The following WHAMM variants were observed in gnomAD, a reference collection of about 807,000 sequenced individuals.
The protein encoded by WHAMM is WASP homolog-associated protein with actin, membranes and microtubules.
Under a neutral mutation model 76.5 loss-of-function variants are expected in WHAMM, and 67 were observed. The ratio of observed to expected loss-of-function variants is 0.88; its 90% CI spans 0.72 to 1.07. The LOEUF (loss-of-function observed/expected upper bound fraction) is 1.07, where lower values mean the gene tolerates loss of function less well. Ranked by LOEUF, WHAMM falls within the 50% of genes least tolerant of loss-of-function variation. The pLI is 0.00. For synonymous variants in WHAMM, 419 were observed against 422.1 expected (o/e 0.99, Z 0.09); for missense variants, 1,021 against 1,051.1 (o/e 0.97, Z 0.40).
At chr15:82,817,614 C>T (rs569475061) in intron 3 of WHAMM, among the ~76,000 whole-genome samples, 1 of 152,164 alleles carries the variant, frequency 6.6e-6, no homozygotes, top group Admixed American at 6.5e-5. Flanking sequence ...TGTGGTCAAA[C>T]TATCCATATG....
chr15:82,818,045 A>C lies in WHAMM; in HGVS notation c.1060A>C (p.Lys354Gln), dbSNP rs1276575656. The C allele has an allele frequency of 6.4e-6, 10 of 1,552,312 alleles. No homozygotes were observed. Among genetic ancestry groups the C allele is most frequent in the Non-Finnish European group, 8.7e-6 (10 of 1,148,024 alleles). The part of the protein sequence containing the change: ...ARETLQLMRA[K>Q]ELCLNHKRAE... ...AGAGACTCTGCAACTCATGAGAGCGAAAGAGTTGTGTTTAAATCACAAAAG... is the reference window on the plus strand; with the variant it reads ...AGAGACTCTGCAACTCATGAGAGCGCAAGAGTTGTGTTTAAATCACAAAAG... The change falls in exon 4 of 10, where the codon AAA becomes CAA. Residue 354 changes from lysine (K) to glutamine (Q), a missense_variant. By Grantham distance (53) the Lys-to-Gln change is moderately conservative. Around this residue, in one of 3 missense-constraint regions of WHAMM, gnomAD observed 501 missense variants for 524.9 expected, o/e 0.95. Transcript: ENST00000286760.
rs530314778 is a variant in WHAMM, at chr15:82,811,012, C to T, written c.609+677C>T. 2.0e-5 allele frequency among the ~76,000 whole-genome samples: 3 copies of T among 152,284 alleles called. 1 individual carries two copies. Among genetic ancestry groups the T allele is most frequent in the African/African-American group, 7.2e-5 (3 of 41,554 alleles). On this transcript the variant is annotated intron_variant, in intron 1 of 9. Coordinates refer to ENST00000286760, the MANE Select transcript of WHAMM (RefSeq NM_001080435.3). The stretch of plus-strand genomic sequence containing the variant: ...AAAATATGCCTTCTAAGTCCACACC[C>T]ACAGTTTATTAAGGAGAGCCAGGCT...
At position 82,818,828 on chromosome 15, in the gene WHAMM, C is replaced by T. The variant is rs370302613; in HGVS notation, c.1105-495C>T. ...TCAAGGTGCCTGCAGATTCACTGTC[C>T]GGTGAGGATCCTCTTCCTGTCTGGT... is the stretch of plus-strand genomic sequence containing the variant. On this transcript the variant is annotated intron_variant, in intron 4 of 9. Coordinates refer to ENST00000286760, the MANE Select transcript of WHAMM (RefSeq NM_001080435.3). Among the ~76,000 whole-genome samples the T allele has an allele frequency of 1.0e-3, 155 of 152,284 alleles. 1 individual carries two copies. Among genetic ancestry groups the T allele is most frequent in the African/African-American group, 2.9e-3 (120 of 41,558 alleles).
In WHAMM at chr15:82,810,130, C is replaced by G; in HGVS notation, c.404C>G (p.Ala135Gly). The stretch of plus-strand genomic sequence containing the variant: ...TGGGCGCTGCTGTGGCCGACGCGCG[C>G]GGGTCCCGGCGAGGCGGCGCTGCAG... Reference protein sequence around the residue: ...GLWALLWPTRAGPGEAALQEL... With the variant: ...GLWALLWPTRGGPGEAALQEL... Residue 135 changes from alanine to glycine, a missense_variant, in exon 1 of 10, where the codon GCG becomes GGG. By Grantham distance (60) the Ala-to-Gly change is moderately conservative. Around this residue, in one of 3 missense-constraint regions of WHAMM, gnomAD observed 501 missense variants for 524.9 expected, o/e 0.95. Coordinates refer to ENST00000286760, the MANE Select transcript of WHAMM (RefSeq NM_001080435.3). The G allele has an allele frequency of 1.5e-6, 2 of 1,353,554 alleles. No individual in the cohort carries two copies. The highest frequency in any genetic ancestry group is 1.9e-6 in the Non-Finnish European group (2 of 1,046,348). The allele number at this position is 1,353,554 out of a possible 1,614,324, so 83.8% of individuals were successfully genotyped here.
At chr15:82,813,596 G>C (rs1296301865) in intron 2 of WHAMM, among the ~76,000 whole-genome samples, 1 of 147,516 alleles carries the variant, frequency 6.8e-6, no homozygotes, top group South Asian at 2.2e-4. Context: ...CATCTTAATA[G>C]CTTAAGATTC....
intron 8 of WHAMM, among the ~76,000 whole-genome samples, chr15:82,830,333 GA>G (rs2051005613): frequency 6.6e-6 from 1 of 151,730 alleles, no homozygotes; most frequent in East Asian, 1.9e-4. Context: ...AAAAGTTGAT[GA>G]CTATTTTCCT....
intron 2 of WHAMM, among the ~76,000 whole-genome samples, chr15:82,815,128 TATATATATATATATATATATATATATAG>T (rs1566991893): frequency 3.9e-5 from 1 of 25,392 alleles, no homozygotes; most frequent in Non-Finnish European, 6.3e-5. Context: ...TATATATATA[TATATATATATATATATATATATATATAG>T]TACAATTCAG....
At chr15:82,827,030 C>A (rs1454050507) in intron 8 of WHAMM, among the ~76,000 whole-genome samples, 184 bp downstream of exon 8, 3 of 152,246 alleles carry the variant, frequency 2.0e-5, no homozygotes, top group South Asian at 4.1e-4. Flanking sequence ...GATTCAAAAC[C>A]CATGATACAA....
At position 82,831,043 on chromosome 15, in the gene WHAMM, C is replaced by T. The variant is rs764985595; in HGVS notation, c.2086C>T (p.Arg696Ter). 50 of 1,609,898 alleles carry T rather than the reference C, an allele frequency of 3.1e-5. 1 individual carries two copies. The highest frequency in any genetic ancestry group is 8.3e-5 in the Admixed American group (5 of 59,960). ...TCTAGTGTGCGAATCACCTGCTGAG[C>T]GACCACGTGACTCCTTGGAAAGTTT... ...RPLVCESPAE[R>*]PRDSLESFSC... is the part of the protein sequence containing the mutation. Residue 696 changes from arginine to a stop codon, truncating the protein, a stop_gained, in exon 9 of 10, where the codon CGA becomes TGA. Transcript: ENST00000286760. LOFTEE classifies it low-confidence loss of function (END_TRUNC).
intron 7 of WHAMM, 22 bp from the exon 8 acceptor site, chr15:82,826,729 A>C: frequency 2.0e-6 from 3 of 1,533,200 alleles, no homozygotes; most frequent in Non-Finnish European, 2.6e-6. Context: ...CAATTTACAA[A>C]TATACATTTG....
intron 9 of WHAMM, among the ~76,000 whole-genome samples, chr15:82,831,864 C>T (rs1434090206): frequency 6.6e-5 from 10 of 152,222 alleles, no homozygotes; most frequent in Non-Finnish European, 1.3e-4. Context: ...TTAAGCACCT[C>T]CACCTAAACT....
intron 8 of WHAMM, among the ~76,000 whole-genome samples, chr15:82,827,333 T>C (rs759525849): frequency 8.5e-5 from 13 of 152,176 alleles, no homozygotes; most frequent in Non-Finnish European, 1.3e-4. Context: ...TATATACTTA[T>C]GAGGATAATG....
At chr15:82,819,965 T>C (rs2050791903) in intron 5 of WHAMM, among the ~76,000 whole-genome samples, 1 of 151,382 alleles carries the variant, frequency 6.6e-6, no homozygotes, top group African/African-American at 2.4e-5. Context: ...GAAGTTTCAG[T>C]GAGCCAAGAT....
chr15:82,831,992 A>G (rs2051038835), intron 9 of WHAMM, among the ~76,000 whole-genome samples: 1 of 152,248 alleles, frequency 6.6e-6, no homozygotes, highest in Non-Finnish European at 1.5e-5. Flanking sequence ...AGAACCAGGT[A>G]CAAATGAAAA....
In WHAMM at chr15:82,823,128, T is replaced by C; in HGVS notation, c.1299T>C (p.Asp433=). Reference sequence around the variant, plus strand: ...AACAAGATGAAGTTGTCTATTACGATCCATGTGAAAATCCAGAGGAACTTA... The same window carrying C: ...AACAAGATGAAGTTGTCTATTACGACCCATGTGAAAATCCAGAGGAACTTA... ...KEKQDEVVYY[D]PCENPEELKV... is the part of the protein sequence containing the mutation. The change falls in exon 6 of 10, where the codon GAT becomes GAC. Residue 433 remains aspartate (D), a synonymous_variant. Coordinates refer to ENST00000286760, the MANE Select transcript of WHAMM (RefSeq NM_001080435.3). 1.4e-6 allele frequency: 2 copies of C among 1,442,872 alleles called. No individual in the cohort carries two copies. Among genetic ancestry groups the C allele is most frequent in the Non-Finnish European group, 1.8e-6 (2 of 1,085,906 alleles). 89.4% of individuals were successfully genotyped at this position (1,442,872 alleles called of 1,614,324 possible).
intron 8 of WHAMM, among the ~76,000 whole-genome samples, 164 bp from the exon 9 acceptor site, chr15:82,830,435 A>G (rs997814879): frequency 2.0e-5 from 3 of 152,148 alleles, no homozygotes; most frequent in African/African-American, 7.2e-5. Context: ...TTAATCCATG[A>G]AAAATGGGTT....
intron 1 of WHAMM, chr15:82,810,747 G>A (rs1388873453): frequency 1.0e-6 from 1 of 985,300 alleles, no homozygotes; most frequent in Non-Finnish European, 1.2e-6. Flanking sequence ...GTCGCAAATG[G>A]GATAAAATGG....
intron 5 of WHAMM, among the ~76,000 whole-genome samples, chr15:82,820,049 C>T (rs1184753596): frequency 2.0e-5 from 3 of 151,554 alleles, no homozygotes; most frequent in South Asian, 2.1e-4. Flanking sequence ...AAAGATACTT[C>T]GTGGTAACAA....
rs1436175163 is a variant in WHAMM, at chr15:82,836,063, G to T, written c.*2527G>T. 1.3e-5 allele frequency: 2 copies of T among 152,200 alleles called. No individual in the cohort carries two copies. Among genetic ancestry groups the T allele is most frequent in the African/African-American group, 4.8e-5 (2 of 41,442 alleles). The allele number at this position is 152,200 out of a possible 1,614,324, so 9.4% of individuals were successfully genotyped here. On this transcript the variant is annotated 3_prime_UTR_variant, in exon 10 of 10. Transcript: ENST00000286760. ...AAACACAAGAGGCCTTTGAAAAAAG[G>T]ATCCTTTTCAAAAGAACGTTCTCAC...
Sources: gnomAD v4.1 joint callset for allele counts (sites outside exome capture counted in the v4.1 genomes callset) on GRCh38, gnomAD v4.1.1 for gene constraint, gnomAD v4.1.1 regional missense constraint, MANE v1.5 for transcripts, NCBI Gene and HGNC (gene_info 2026-07-23, HGNC 2026-07-21) for gene names.